FRMD4A: variants seen among roughly 807,000 people sequenced by gnomAD.
FRMD4A encodes the protein FERM domain-containing protein 4A.
Under a neutral mutation model 129.1 loss-of-function variants are expected in FRMD4A, and 29 were observed. The ratio of observed to expected loss-of-function variants is 0.22; its 90% confidence interval spans 0.17 to 0.31. The LOEUF (loss-of-function observed/expected upper bound fraction) is 0.31. FRMD4A is among the 10% of genes least tolerant of loss of function. The probability of loss-of-function intolerance (pLI) is 1.00; values close to 1 mark genes in which losing one functional copy is unlikely to be tolerated. For missense variants in FRMD4A, 1,272 were observed against 1,375.8 expected (o/e 0.92, Z 1.19); for synonymous variants, 634 against 571.6 (o/e 1.11, Z -1.56).
chr10:13,823,164 C>T (rs147701702), intron 3 of FRMD4A, among the ~76,000 whole-genome samples: 78 of 152,288 alleles, frequency 5.1e-4, no homozygotes, highest in African/African-American at 1.7e-3. Flanking sequence ...CTTTGACAGG[C>T]GTACATAATG....
At chr10:13,871,102 C>T (rs1299332799) in intron 2 of FRMD4A, 1 of 160,892 alleles carries the variant, frequency 6.2e-6, no homozygotes, top group Non-Finnish European at 1.4e-5. Flanking sequence ...ACCAGATGTT[C>T]CTATGAAAGG....
intron 2 of FRMD4A, among the ~76,000 whole-genome samples, chr10:13,897,213 G>A (rs538831251): frequency 6.6e-6 from 1 of 152,354 alleles, no homozygotes; most frequent in East Asian, 1.9e-4. Flanking sequence ...TTTCTGCAAA[G>A]AGAAACATGG....
intron 6 of FRMD4A, among the ~76,000 whole-genome samples, chr10:13,772,329 C>T (rs1378095306): frequency 1.3e-5 from 2 of 151,438 alleles, no homozygotes; most frequent in Non-Finnish European, 2.9e-5. Context: ...AGAATAGATG[C>T]CCCTTTATCA....
chr10:14,249,350 T>TCAAAAA (rs1564416620), intron 2 of FRMD4A, among the ~76,000 whole-genome samples: 1 of 121,372 alleles, frequency 8.2e-6, no homozygotes, highest in African/African-American at 2.8e-5. Flanking sequence ...AGAATCTGTC[T>TCAAAAA]TAAAAAAAAA....
Position 13,878,792 on chromosome 10 carries a change from G to C in FRMD4A, c.46-19880C>G, listed in dbSNP as rs569736959. Among the ~76,000 whole-genome samples the C allele has an allele frequency of 1.2e-3, 175 of 140,630 alleles. 1 individual carries two copies. The Middle Eastern group carries it at 0.014, about 11-fold the overall frequency. 92.3% of individuals were successfully genotyped at this position (140,630 alleles called of 152,430 possible). On this transcript the variant is annotated intron_variant, in intron 2 of 24. Coordinates refer to ENST00000357447, the MANE Select transcript of FRMD4A (RefSeq NM_018027.5). ...AAAGAAAGAGAGAGAGAGAGAGAAAGAGAGAAGGAGAGAAAGAGAGAGGGA... is the reference window on the plus strand; with the variant it reads ...AAAGAAAGAGAGAGAGAGAGAGAAACAGAGAAGGAGAGAAAGAGAGAGGGA...
chr10:14,326,193 A>G (rs1482758082), intron 2 of FRMD4A: 1 of 152,138 alleles, frequency 6.6e-6, no homozygotes, highest in Non-Finnish European at 1.5e-5. Flanking sequence ...TCCCTTTTTT[A>G]TTTTACACTT....
chr10:13,790,614 G>C (rs1485485222), intron 5 of FRMD4A, among the ~76,000 whole-genome samples: 1 of 152,160 alleles, frequency 6.6e-6, no homozygotes, highest in Non-Finnish European at 1.5e-5. Context: ...GAGCATGTTC[G>C]AATGAGCCCA....
At chr10:13,915,296 G>A (rs1415098819) in intron 2 of FRMD4A, among the ~76,000 whole-genome samples, 2 of 152,196 alleles carry the variant, frequency 1.3e-5, no homozygotes. Context: ...GCGAACTGGA[G>A]CACGGTTTTC....
At chr10:13,992,708 C>T (rs2095607521) in intron 2 of FRMD4A, among the ~76,000 whole-genome samples, 1 of 151,996 alleles carries the variant, frequency 6.6e-6, no homozygotes, top group African/African-American at 2.4e-5. Flanking sequence ...AATCCCAGCA[C>T]TTTGGGAGGC....
chr10:14,137,409 G>C (rs1839594587), intron 2 of FRMD4A, among the ~76,000 whole-genome samples: 1 of 152,188 alleles, frequency 6.6e-6, no homozygotes, highest in Non-Finnish European at 1.5e-5. Context: ...GCATTTGACT[G>C]AAAGAAAGCT....
chr10:13,644,766 C>G lies in FRMD4A; in HGVS notation c.*2272G>C, dbSNP rs2081015554. The stretch of plus-strand genomic sequence containing the variant: ...TTCTTTGGGAGAAAGAAAAATGGCC[C>G]AATGTATAATGTTTCTGAATGGGGA... On this transcript the variant is annotated 3_prime_UTR_variant, in exon 25 of 25. Coordinates refer to ENST00000357447, the MANE Select transcript of FRMD4A (RefSeq NM_018027.5). 6.6e-6 allele frequency: 1 copy of G among 151,456 alleles called. No homozygotes were observed. Among genetic ancestry groups the G allele is most frequent in the South Asian group, 2.1e-4 (1 of 4,764 alleles). 9.4% of individuals were successfully genotyped at this position (151,456 alleles called of 1,614,324 possible). A position where few individuals can be genotyped will look rare whatever the true frequency, so the allele number is the denominator to read the frequency against.
chr10:14,205,733 C>T (rs549112755), intron 2 of FRMD4A, among the ~76,000 whole-genome samples: 10 of 138,990 alleles, frequency 7.2e-5, no homozygotes, highest in South Asian at 2.3e-4. Context: ...CTTGAAGCTG[C>T]GAGGTGGAGA....
intron 2 of FRMD4A, among the ~76,000 whole-genome samples, chr10:14,207,460 C>T (rs917007094): frequency 1.3e-5 from 2 of 151,980 alleles, no homozygotes; most frequent in East Asian, 1.9e-4. Context: ...AGTCCATGGC[C>T]CAGGGGCTGG....
intron 2 of FRMD4A, among the ~76,000 whole-genome samples, chr10:14,301,197 G>A (rs556076585): frequency 1.3e-5 from 2 of 152,306 alleles, no homozygotes; most frequent in South Asian, 4.1e-4. Flanking sequence ...CTCATATTTT[G>A]TACTTTCCCA....
chr10:14,221,472 G>T (rs1843258491), intron 2 of FRMD4A, among the ~76,000 whole-genome samples: 1 of 152,162 alleles, frequency 6.6e-6, no homozygotes, highest in Non-Finnish European at 1.5e-5. Flanking sequence ...GGCGTGATCT[G>T]GAGAGGGGAA....
chr10:13,707,811 C>T (rs1589475529), intron 12 of FRMD4A: 1 of 985,344 alleles, frequency 1.0e-6, no homozygotes, highest in African/African-American at 1.7e-5. Flanking sequence ...AGAGTCTCTC[C>T]CTCAAGCTTG....
At chr10:14,011,736 C>G (rs10906568) in intron 2 of FRMD4A, among the ~76,000 whole-genome samples, 62,824 of 151,902 alleles carry the variant, frequency 0.41, 15,002 homozygotes, top group Non-Finnish European at 0.55. Context: ...AGGCGGGACA[C>G]GGTGGCTCAT....
chr10:13,976,728 T>C (rs1041442249), intron 2 of FRMD4A, among the ~76,000 whole-genome samples: 1 of 152,198 alleles, frequency 6.6e-6, no homozygotes. Context: ...AGTATATTTA[T>C]AGCAACTAAA....
intron 2 of FRMD4A, among the ~76,000 whole-genome samples, chr10:13,930,396 G>GTC: frequency 6.6e-6 from 1 of 152,322 alleles, no homozygotes; most frequent in Non-Finnish European, 1.5e-5. Flanking sequence ...GATAATGCTG[G>GTC]TCTCTGCCTG....
Sources: allele counts gnomAD v4.1 joint callset (sites outside exome capture counted in the v4.1 genomes callset), GRCh38; gene constraint gnomAD v4.1.1; transcripts MANE v1.5; gene names NCBI Gene and HGNC (gene_info 2026-07-23, HGNC 2026-07-21).